The following ABI3BP variants were observed in gnomAD, a reference collection of about 807,000 sequenced individuals.
ABI3BP encodes the protein ABI family member 3 binding protein, also known as target of Nesh-SH3.
Under a neutral mutation model 268.6 loss-of-function variants are expected in ABI3BP, and 216 were observed. The observed-to-expected ratio is 0.80, with a 90% confidence interval of 0.72 to 0.90. The LOEUF is 0.90. Among genes scored for constraint, ABI3BP ranks in the 40% least tolerant of loss-of-function variants. The pLI is 0.00. For synonymous variants in ABI3BP, 730 were observed against 730.0 expected (o/e 1.00, Z 0.00); for missense variants, 2,090 against 2,182.4 (o/e 0.96, Z 0.84).
At chr3:100,914,747 C>G (rs2058028423) in intron 2 of ABI3BP, among the ~76,000 whole-genome samples, 1 of 152,104 alleles carries the variant, frequency 6.6e-6, no homozygotes, top group African/African-American at 2.4e-5. Context: ...GAGGGCATCT[C>G]CTTCCAGTAA....
At chr3:100,993,230 T>A in intron 1 of ABI3BP, 76 bp downstream of exon 1, 2 of 1,066,870 alleles carry the variant, frequency 1.9e-6, no homozygotes, top group East Asian at 2.6e-5. Context: ...GTAAAGCAGA[T>A]CATATTTAAA....
At chr3:100,972,222 G>A (rs1450987355) in intron 1 of ABI3BP, among the ~76,000 whole-genome samples, 1 of 152,172 alleles carries the variant, frequency 6.6e-6, no homozygotes, top group African/African-American at 2.4e-5. Flanking sequence ...ATAATTGTGT[G>A]AAAGTGCTTT....
intron 2 of ABI3BP, among the ~76,000 whole-genome samples, chr3:100,902,942 C>G (rs1207969184): frequency 6.6e-6 from 1 of 152,192 alleles, no homozygotes; most frequent in Non-Finnish European, 1.5e-5. Flanking sequence ...ATACTATACA[C>G]AGATTTTAAA....
intron 46 of ABI3BP, among the ~76,000 whole-genome samples, chr3:100,812,086 AT>A (rs112051955): frequency 0.03 from 4,513 of 149,992 alleles, 91 homozygotes; most frequent in Non-Finnish European, 0.046. Context: ...TTCCATTTTC[AT>A]TTTTTTTTTC....
Position 100,991,107 on chromosome 3 carries a change from TATAAC to T in ABI3BP, c.79+2194_79+2198del, listed in dbSNP as rs200222177. On this transcript the variant is annotated intron_variant, in intron 1 of 67. Coordinates refer to ENST00000471714, the MANE Select transcript of ABI3BP (RefSeq NM_001375547.2). Reference sequence around the variant, plus strand: ...CATAGCAAAATTCAAGTATGCTCTCTATAACAGGACCCTGATGTTAAAATATTTGT... The same window carrying T: ...CATAGCAAAATTCAAGTATGCTCTCTAGGACCCTGATGTTAAAATATTTGT... Among the ~76,000 whole-genome samples the T allele has an allele frequency of 4.8e-3, 726 of 152,336 alleles. 6 individuals carry two copies. The highest frequency in any genetic ancestry group is 0.017 in the African/African-American group (700 of 41,582).
At chr3:100,795,940 A>C (rs2097333423) in intron 52 of ABI3BP, 89 bp from the exon 53 acceptor site, 1 of 884,422 alleles carries the variant, frequency 1.1e-6, no homozygotes, top group African/African-American at 1.8e-5. Flanking sequence ...AGATGCATTG[A>C]TTTAATAATT....
At chr3:100,874,966 G>C (rs1025393515) in intron 8 of ABI3BP, 33 bp from the exon 9 acceptor site, 1 of 1,260,186 alleles carries the variant, frequency 7.9e-7, no homozygotes, top group African/African-American at 1.5e-5. Context: ...AAGATAAGGG[G>C]AAGAAAGTGC....
intron 1 of ABI3BP, among the ~76,000 whole-genome samples, chr3:100,987,097 A>G (rs2091991940): frequency 6.6e-6 from 1 of 152,144 alleles, no homozygotes; most frequent in Admixed American, 6.5e-5. Flanking sequence ...GATCAATTTT[A>G]TTAAATTCAC....
chr3:100,965,975 A>T (rs569928863), intron 1 of ABI3BP, among the ~76,000 whole-genome samples: 1 of 152,258 alleles, frequency 6.6e-6, no homozygotes, highest in East Asian at 1.9e-4. Flanking sequence ...GAGGACTTCA[A>T]CCAAGGGCAA....
chr3:100,880,287 C>T (rs76692469), intron 6 of ABI3BP, among the ~76,000 whole-genome samples: 295 of 152,258 alleles, frequency 1.9e-3, no homozygotes, highest in African/African-American at 6.5e-3. Context: ...ACTCTGGCAG[C>T]GATTTTCCTT....
chr3:100,889,692 T>C (rs1236277265), intron 4 of ABI3BP, among the ~76,000 whole-genome samples: 1 of 152,154 alleles, frequency 6.6e-6, no homozygotes, highest in Non-Finnish European at 1.5e-5. Context: ...CATATCCTAA[T>C]TAAGAGGTAA....
At chr3:100,899,109 G>A (rs1039932849) in intron 3 of ABI3BP, among the ~76,000 whole-genome samples, 7 of 152,116 alleles carry the variant, frequency 4.6e-5, no homozygotes, top group Non-Finnish European at 1.0e-4. Context: ...ATGCATGTGT[G>A]CATATGCATA....
chr3:100,987,893 A>G (rs9849371), intron 1 of ABI3BP, among the ~76,000 whole-genome samples: 28,643 of 152,200 alleles, frequency 0.19, 2,805 homozygotes, highest in East Asian at 0.37. Context: ...ATCTTTAATA[A>G]TTGATAGACA....
At chr3:100,944,721 T>A (rs986538585) in intron 1 of ABI3BP, among the ~76,000 whole-genome samples, 1 of 152,186 alleles carries the variant, frequency 6.6e-6, no homozygotes, top group Non-Finnish European at 1.5e-5. Flanking sequence ...TGTTTGTAAT[T>A]TATTTAGTTC....
At chr3:100,872,123 C>T (rs2099116060) in intron 9 of ABI3BP, among the ~76,000 whole-genome samples, 1 of 152,188 alleles carries the variant, frequency 6.6e-6, no homozygotes, top group Non-Finnish European at 1.5e-5. Context: ...GGGTTACAGG[C>T]ATGAACCACC....
intron 63 of ABI3BP, among the ~76,000 whole-genome samples, chr3:100,756,799 A>G (rs1344219723): frequency 7.0e-6 from 1 of 141,956 alleles, no homozygotes; most frequent in East Asian, 2.0e-4. Context: ...TTTTTGGCCA[A>G]TATTTTGTGA....
chr3:100,782,531 G>A (rs749604514), intron 57 of ABI3BP, among the ~76,000 whole-genome samples: 57 of 152,080 alleles, frequency 3.7e-4, no homozygotes, highest in Non-Finnish European at 7.2e-4. Context: ...AAAGCATTGG[G>A]AAGGGCCATG....
At chr3:100,935,564 T>C (rs968111926) in intron 1 of ABI3BP, among the ~76,000 whole-genome samples, 2 of 152,192 alleles carry the variant, frequency 1.3e-5, no homozygotes, top group African/African-American at 4.8e-5. Context: ...TAAATTACTT[T>C]GGGCAGTATG....
intron 57 of ABI3BP, among the ~76,000 whole-genome samples, chr3:100,781,429 C>T (rs751458256): frequency 6.6e-5 from 10 of 152,000 alleles, no homozygotes; most frequent in Admixed American, 1.3e-4. Context: ...ATGAATTAAA[C>T]TTATTTGTGA....
Sources: allele counts gnomAD v4.1 joint callset (sites outside exome capture counted in the v4.1 genomes callset), GRCh38; gene constraint gnomAD v4.1.1; transcripts MANE v1.5; gene names NCBI Gene and HGNC (gene_info 2026-07-23, HGNC 2026-07-21).